ZNF780A: variants seen among roughly 807,000 people sequenced by gnomAD.
ZNF780A encodes the protein zinc finger protein 780A.
In ZNF780A, 40 loss-of-function variants were observed where a neutral mutation model predicts 56.7. That is an observed-to-expected ratio of 0.71 (90% CI 0.55 to 0.92). The LOEUF (loss-of-function observed/expected upper bound fraction) is 0.92. Ranked by LOEUF, ZNF780A falls within the 40% of genes least tolerant of loss-of-function variation. ZNF780A has a pLI of 0.00. For missense variants in ZNF780A, 672 were observed against 783.3 expected (o/e 0.86, Z 1.70); for synonymous variants, 231 against 248.3 (o/e 0.93, Z 0.66).
At position 40,075,891 on chromosome 19, in the gene ZNF780A, T is replaced by C. The variant is rs145223848; in HGVS notation, c.551A>G (p.Gln184Arg). 22 of 1,614,034 alleles carry C rather than the reference T, an allele frequency of 1.4e-5. No individual in the cohort carries two copies. The highest frequency in any genetic ancestry group is 4.0e-5 in the African/African-American group (3 of 74,946). The change falls in exon 6 of 6, where the codon CAG becomes CGG. Residue 184 changes from glutamine to arginine, a missense_variant. Gln to Arg is a conservative substitution (Grantham distance 43, BLOSUM62 1). Coordinates refer to ENST00000683561, the MANE Select transcript of ZNF780A (RefSeq NM_001142578.2). ...FSRSANLIQHQSIHTGEKPFE... is the reference protein window; with the variant it reads ...FSRSANLIQHRSIHTGEKPFE... Reference sequence around the variant, plus strand: ...GGGTTTCTCTCCAGTATGAATACTCTGATGCTGAATAAGATTTGCACTACG... The same window carrying C: ...GGGTTTCTCTCCAGTATGAATACTCCGATGCTGAATAAGATTTGCACTACG...
At position 40,075,850 on chromosome 19, in the gene ZNF780A, A is replaced by T; in HGVS notation, c.592T>A (p.Cys198Ser). Residue 198 changes from cysteine to serine, a missense_variant, in exon 6 of 6, where the codon TGT becomes AGT. Physicochemically the swap from Cys to Ser is moderately radical, Grantham distance 112 (BLOSUM62 -1). Transcript: ENST00000683561. ...ATGTGAAGTCGAAAGGCTTTCCCAC[A>T]CTCCTTACATTCAAAGGGTTTCTCT... ...TGEKPFECKECGKAFRLHIQF... is the reference protein window; with the variant it reads ...TGEKPFECKESGKAFRLHIQF... 3 of 1,613,870 alleles carry T rather than the reference A, an allele frequency of 1.9e-6. No homozygotes were observed. The highest frequency in any genetic ancestry group is 2.5e-6 in the Non-Finnish European group (3 of 1,179,926).
chr19:40,078,566 A>C (rs894891159), intron 5 of ZNF780A, among the ~76,000 whole-genome samples: 1 of 152,242 alleles, frequency 6.6e-6, no homozygotes, highest in Non-Finnish European at 1.5e-5. Context: ...AGTCACTTAC[A>C]AGGGAACTCT....
rs1973912874 is a variant in ZNF780A at position 40,073,490 on chromosome 19, A to G, written c.*1026T>C. The G allele has an allele frequency of 1.0e-6, 1 of 983,884 alleles. No individual in the cohort carries two copies. Among genetic ancestry groups the G allele is most frequent in the Non-Finnish European group, 1.2e-6 (1 of 828,498 alleles). The allele number at this position is 983,884 out of a possible 1,614,324, so 60.9% of individuals were successfully genotyped here. A position where few individuals can be genotyped will look rare whatever the true frequency, so the allele number is the denominator to read the frequency against. ...GTTGCCACAAACCTTCAGTTTGTAT[A>G]AAACACAATAACTGCAATGCACAAT... On this transcript the variant is annotated 3_prime_UTR_variant, in exon 6 of 6. Coordinates refer to ENST00000683561, the MANE Select transcript of ZNF780A (RefSeq NM_001142578.2).
At chr19:40,089,301 AT>A in intron 2 of ZNF780A, 1 of 1,378,420 alleles carries the variant, frequency 7.3e-7, no homozygotes, top group South Asian at 1.8e-5. Context: ...ATACAATTAT[AT>A]CTGTCGATTT....
At chr19:40,083,082 T>C in intron 4 of ZNF780A, 29 bp downstream of exon 4, 1 of 1,613,978 alleles carries the variant, frequency 6.2e-7, no homozygotes, top group South Asian at 1.1e-5. Flanking sequence ...AAAATAGATA[T>C]AAAAATAGCT....
At chr19:40,082,396 A>G (rs924968928) in intron 4 of ZNF780A, among the ~76,000 whole-genome samples, 3 of 152,204 alleles carry the variant, frequency 2.0e-5, no homozygotes, top group Non-Finnish European at 4.4e-5. Flanking sequence ...TATTATTGTC[A>G]TTTATTTTGC....
rs1177381800 is a variant in ZNF780A at position 40,075,447 on chromosome 19, G to C, written c.995C>G (p.Pro332Arg). 6.2e-7 allele frequency: 1 copy of C among 1,613,710 alleles called. No homozygotes were observed. The highest frequency in any genetic ancestry group is 8.5e-7 in the Non-Finnish European group (1 of 1,179,980). Residue 332 changes from proline to arginine, a missense_variant, in exon 6 of 6, where the codon CCC becomes CGC. By Grantham distance (103) the Pro-to-Arg change is moderately radical (BLOSUM62 -2). Transcript: ENST00000683561. ...CTTTCCACATTCTTTACATTCAAAG[G>C]GTTTCTCACCAGTATGAATTTGGCA... ...EHCQIHTGEK[P>R]FECKECGKAF...
chr19:40,073,740 T>G lies in ZNF780A; in HGVS notation c.*776A>C, dbSNP rs924181818. The G allele has an allele frequency of 1.0e-6, 1 of 985,842 alleles. No homozygotes were observed. The highest frequency in any genetic ancestry group is 1.7e-5 in the African/African-American group (1 of 57,232). The allele number at this position is 985,842 out of a possible 1,614,324, so 61.1% of individuals were successfully genotyped here. A position where few individuals can be genotyped will look rare whatever the true frequency, so the allele number is the denominator to read the frequency against. Reference sequence around the variant, plus strand: ...AGCAAATCCCAGGCCATGATGAAAGTTCTTCACACATTCTTTTATGTTCAC... The same window carrying G: ...AGCAAATCCCAGGCCATGATGAAAGGTCTTCACACATTCTTTTATGTTCAC... On this transcript the variant is annotated 3_prime_UTR_variant, in exon 6 of 6. Coordinates refer to ENST00000683561, the MANE Select transcript of ZNF780A (RefSeq NM_001142578.2).
chr19:40,088,591 G>T (rs1055400067), intron 2 of ZNF780A, among the ~76,000 whole-genome samples: 2 of 152,142 alleles, frequency 1.3e-5, no homozygotes, highest in African/African-American at 2.4e-5. Flanking sequence ...CAGTATGGAG[G>T]TTCCTCAAAA....
intron 5 of ZNF780A, 136 bp downstream of exon 5, chr19:40,081,683 T>C: frequency 1.5e-6 from 1 of 667,926 alleles, no homozygotes; most frequent in Non-Finnish European, 2.6e-6. Flanking sequence ...CCTTCCCAGG[T>C]CTTGGGCATT....
rs563570582 is a variant in ZNF780A at position 40,085,262 on chromosome 19, A to T, written c.-45-464T>A. 1.9e-4 allele frequency: 191 copies of T among 985,486 alleles called. No homozygotes were observed. The African/African-American group carries it at 3.2e-3, about 16-fold the overall frequency. The allele number at this position is 985,486 out of a possible 1,614,324, so 61.0% of individuals were successfully genotyped here. On this transcript the variant is annotated intron_variant, in intron 2 of 5. Transcript: ENST00000683561. ...GTGGGGGAAGGCATGAGAACTGGAA[A>T]GCATATTTGCACTGGCAGTGTTTGC... is the stretch of plus-strand genomic sequence containing the variant.
In ZNF780A at chr19:40,084,775, G is replaced by T. The variant is rs1054649192; in HGVS notation, c.-22C>A. ...CCATGTTGCTAGAATTACAAAACTG[G>T]TCAATCTTCCTCGGGCTTCTCCCCT... is the stretch of plus-strand genomic sequence containing the variant. On this transcript the variant is annotated 5_prime_UTR_variant, in exon 3 of 6. Transcript: ENST00000683561. The T allele has an allele frequency of 3.8e-5, 59 of 1,553,076 alleles. No individual in the cohort carries two copies. The highest frequency in any genetic ancestry group is 5.1e-5 in the Non-Finnish European group (59 of 1,147,908).
rs1305531602 is a variant in ZNF780A at position 40,089,320 on chromosome 19, A to C, written c.-46+846T>G. Reference sequence around the variant, plus strand: ...AATTATATCTGTCGATTTAAAAAGAAAGAATTTCTGTCCTAGATCATTTGA... The same window carrying C: ...AATTATATCTGTCGATTTAAAAAGACAGAATTTCTGTCCTAGATCATTTGA... On this transcript the variant is annotated intron_variant, in intron 2 of 5. Transcript: ENST00000683561. 4 of 1,346,454 alleles carry C rather than the reference A, an allele frequency of 3.0e-6. No homozygotes were observed. The East Asian group carries it at 8.0e-5, about 27-fold the overall frequency. The allele number at this position is 1,346,454 out of a possible 1,614,324, so 83.4% of individuals were successfully genotyped here.
chr19:40,085,026 G>C (rs540388816), intron 2 of ZNF780A: 119 of 686,546 alleles, frequency 1.7e-4, no homozygotes, highest in Non-Finnish European at 2.1e-4. Context: ...GGGAACCTGC[G>C]GCAGAAGCAT....
downstream of ZNF780A, chr19:40,072,807 C>T: frequency 6.8e-7 from 1 of 1,476,754 alleles, no homozygotes; most frequent in Non-Finnish European, 9.0e-7. Flanking sequence ...TGTAGCTTTA[C>T]TAAGTGCCAC....
intron 5 of ZNF780A, among the ~76,000 whole-genome samples, chr19:40,079,972 T>G (rs930129238): frequency 6.6e-6 from 1 of 152,084 alleles, no homozygotes; most frequent in Admixed American, 6.6e-5. Flanking sequence ...AATGAAAGGT[T>G]GTTTTTTAAA....
At chr19:40,084,846 A>G in intron 2 of ZNF780A, 48 bp from the exon 3 acceptor site, 1 of 1,540,444 alleles carries the variant, frequency 6.5e-7, no homozygotes, top group Non-Finnish European at 8.7e-7. Flanking sequence ...CTGTGTCTCA[A>G]AAGCAAATAA....
intron 5 of ZNF780A, among the ~76,000 whole-genome samples, chr19:40,079,900 A>C (rs186424613): frequency 6.6e-6 from 1 of 152,308 alleles, no homozygotes; most frequent in African/African-American, 2.4e-5. Flanking sequence ...CAAATAAACG[A>C]TCTAATGAAA....
intron 5 of ZNF780A, 111 bp from the exon 6 acceptor site, chr19:40,076,320 T>G (rs1039478613): frequency 4.3e-6 from 5 of 1,153,438 alleles, no homozygotes; most frequent in East Asian, 5.3e-5. Context: ...CCTTTATTGA[T>G]TTTATTAGCC....
Sources: allele counts gnomAD v4.1 joint callset (sites outside exome capture counted in the v4.1 genomes callset), GRCh38; gene constraint gnomAD v4.1.1; transcripts MANE v1.5; gene names NCBI Gene and HGNC (gene_info 2026-07-23, HGNC 2026-07-21).